CLNK: variants seen among roughly 807,000 people sequenced by gnomAD.
CLNK encodes the protein cytokine dependent hematopoietic cell linker.
Under a neutral mutation model 68.6 loss-of-function variants are expected in CLNK, and 74 were observed. That is an observed-to-expected ratio of 1.08 (90% CI 0.89 to 1.31). The LOEUF (loss-of-function observed/expected upper bound fraction) is 1.31, where lower values mean the gene tolerates loss of function less well. CLNK is among the 50% of genes most tolerant of loss of function. The probability of loss-of-function intolerance (pLI) is 0.00; values close to 1 mark genes in which losing one functional copy is unlikely to be tolerated. For synonymous variants in CLNK, 198 were observed against 172.2 expected (o/e 1.15, Z -1.17); for missense variants, 553 against 515.3 (o/e 1.07, Z -0.71).
chr4:10,570,298 C>T (rs1387497497), intron 5 of CLNK, among the ~76,000 whole-genome samples: 3 of 152,056 alleles, frequency 2.0e-5, no homozygotes, highest in African/African-American at 7.2e-5. Flanking sequence ...AGAGTCAGGA[C>T]ATGATAAGAA....
intron 4 of CLNK, among the ~76,000 whole-genome samples, chr4:10,583,128 C>T (rs758214221): frequency 6.6e-6 from 1 of 152,196 alleles, no homozygotes; most frequent in South Asian, 2.1e-4. Context: ...GCCACCGTCA[C>T]GCACAGTCTT....
At chr4:10,651,210 A>G (rs933166090) in intron 2 of CLNK, among the ~76,000 whole-genome samples, 1 of 152,234 alleles carries the variant, frequency 6.6e-6, no homozygotes, top group Non-Finnish European at 1.5e-5. Context: ...ATATACCCAA[A>G]GGATTACAAA....
In CLNK at chr4:10,571,771, G is replaced by C; in HGVS notation, c.120C>G (p.Tyr40Ter). 1 of 1,612,882 alleles carries C rather than the reference G, an allele frequency of 6.2e-7. No homozygotes were observed. Among genetic ancestry groups the C allele is most frequent in the Non-Finnish European group, 8.5e-7 (1 of 1,179,054 alleles). Residue 40 changes from tyrosine to a stop codon, truncating the protein, a stop_gained, in exon 5 of 19, where the codon TAC becomes TAG. Coordinates refer to ENST00000226951, the MANE Select transcript of CLNK (RefSeq NM_052964.4). LOFTEE classifies it high-confidence loss of function. ...CTAGAAGAGGCTTGTTCATCCTCTG[G>C]TACTGGCCTGCCAACACAAACAGAC... ...WPRINSATGQYQRMNKPLLDW... is the reference protein window; with the variant it reads ...WPRINSATGQ
chr4:10,524,028 A>AAG (rs1718194272), intron 14 of CLNK: 1 of 227,330 alleles, frequency 4.4e-6, no homozygotes, highest in African/African-American at 2.4e-5. Context: ...AAAAGAAAGA[A>AAG]AGAAAGGAAG....
At chr4:10,630,270 C>T (rs559339433) in intron 2 of CLNK, among the ~76,000 whole-genome samples, 6 of 152,252 alleles carry the variant, frequency 3.9e-5, no homozygotes, top group South Asian at 2.1e-4. Context: ...ACATGATGAT[C>T]GGCAAGTTAC....
chr4:10,639,508 G>A (rs1029054467), intron 2 of CLNK, among the ~76,000 whole-genome samples: 10 of 152,156 alleles, frequency 6.6e-5, no homozygotes, highest in Admixed American at 5.2e-4. Context: ...TTTCCTCTGG[G>A]CCTCAGTTTC....
intron 2 of CLNK, among the ~76,000 whole-genome samples, chr4:10,667,373 ATT>A (rs57765419): frequency 0.34 from 48,125 of 140,762 alleles, 8,115 homozygotes; most frequent in East Asian, 0.46. Context: ...AGTCCTGCTA[ATT>A]TTTTTTTTTT....
At chr4:10,588,198 G>A (rs1276953272) in intron 3 of CLNK, among the ~76,000 whole-genome samples, 1 of 152,206 alleles carries the variant, frequency 6.6e-6, no homozygotes, top group African/African-American at 2.4e-5. Context: ...CAGGCGGCAT[G>A]CAAATCTGAG....
chr4:10,694,131 C>A, the CLNK span, among the ~76,000 whole-genome samples: 1 of 151,804 alleles, frequency 6.6e-6, no homozygotes, highest in African/African-American at 2.4e-5. Context: ...GAGGATCCTA[C>A]AATTGCCACG....
chr4:10,569,288 C>G (rs1465162224), intron 5 of CLNK, among the ~76,000 whole-genome samples: 4 of 146,612 alleles, frequency 2.7e-5, no homozygotes, highest in African/African-American at 1.0e-4. Context: ...GGGTGGGGTT[C>G]TTATCTGATA....
chr4:10,567,870 G>A (rs1720183992), intron 5 of CLNK, among the ~76,000 whole-genome samples: 1 of 152,174 alleles, frequency 6.6e-6, no homozygotes, highest in Admixed American at 6.5e-5. Flanking sequence ...AAAGCACAAT[G>A]AGATGTCAGC....
chr4:10,687,091 T>C (rs1725298505), upstream of CLNK, among the ~76,000 whole-genome samples: 1 of 152,068 alleles, frequency 6.6e-6, no homozygotes, highest in Non-Finnish European at 1.5e-5. Flanking sequence ...CTACAATTTG[T>C]GGTAAATGCA....
chr4:10,731,799 A>G, the CLNK span, among the ~76,000 whole-genome samples: 1 of 152,220 alleles, frequency 6.6e-6, no homozygotes, highest in African/African-American at 2.4e-5. Flanking sequence ...TAACTACAAA[A>G]AGAGAAGGCT....
At chr4:10,659,315 G>T (rs1024899363) in intron 2 of CLNK, among the ~76,000 whole-genome samples, 1 of 152,212 alleles carries the variant, frequency 6.6e-6, no homozygotes, top group African/African-American at 2.4e-5. Context: ...CTATGTACCA[G>T]ACACGGTGCT....
chr4:10,526,765 A>G (rs1198137808), intron 13 of CLNK, among the ~76,000 whole-genome samples: 1 of 152,152 alleles, frequency 6.6e-6, no homozygotes, highest in East Asian at 1.9e-4. Flanking sequence ...CAACCATACA[A>G]TCTGGAGTTA....
chr4:10,635,240 T>A (rs149691961), intron 2 of CLNK, among the ~76,000 whole-genome samples: 3 of 152,192 alleles, frequency 2.0e-5, no homozygotes, highest in Non-Finnish European at 2.9e-5. Flanking sequence ...TGTTGCTCAT[T>A]TTGACTGCCC....
At chr4:10,686,877 T>C (rs142605766), upstream of CLNK, among the ~76,000 whole-genome samples, 15 of 152,286 alleles carry the variant, frequency 9.8e-5, no homozygotes, top group Admixed American at 3.3e-4. Flanking sequence ...ATGAGAAAGC[T>C]GATAATAGTG....
At chr4:10,491,791 G>A (rs1025933452) in intron 18 of CLNK, among the ~76,000 whole-genome samples, 4 of 151,982 alleles carry the variant, frequency 2.6e-5, no homozygotes, top group Non-Finnish European at 4.4e-5. Context: ...AATTTCAACA[G>A]CTTTAGAGGT....
chr4:10,702,813 A>G, the CLNK span, among the ~76,000 whole-genome samples: 1 of 152,182 alleles, frequency 6.6e-6, no homozygotes, highest in Admixed American at 6.5e-5. Context: ...AGTGCTTATT[A>G]AACAAGTAAA....
Sources: allele counts gnomAD v4.1 joint callset (sites outside exome capture counted in the v4.1 genomes callset), GRCh38; gene constraint gnomAD v4.1.1; transcripts MANE v1.5; gene names NCBI Gene and HGNC (gene_info 2026-07-23, HGNC 2026-07-21).